The following MAN2B1 variants were observed in gnomAD, a reference collection of about 807,000 sequenced individuals.
MAN2B1 encodes lysosomal alpha-mannosidase.
A neutral mutation model predicts 127.5 loss-of-function variants in MAN2B1; 99 were observed. The ratio of observed to expected loss-of-function variants is 0.78; its 90% CI spans 0.66 to 0.92. The LOEUF (loss-of-function observed/expected upper bound fraction) is 0.92, where lower values mean the gene tolerates loss of function less well. Ranked by LOEUF, MAN2B1 falls within the 40% of genes least tolerant of loss-of-function variation. The pLI is 0.00. For missense variants in MAN2B1, 1,304 were observed against 1,384.8 expected (o/e 0.94, Z 0.93); for synonymous variants, 573 against 568.8 (o/e 1.01, Z -0.11).
In MAN2B1 at chr19:12,649,129, C is replaced by G. The variant is rs2145228476; in HGVS notation, c.2436+7G>C. On this transcript the variant is annotated splice_region_variant and intron_variant, in intron 20 of 23. Transcript: ENST00000456935. The stretch of plus-strand genomic sequence containing the variant: ...CCCTGGCTCGGATGGGGCTCTGACC[C>G]ACTCACCATGAGCTCCAGCGAGCCA... 6.2e-7 allele frequency: 1 copy of G among 1,611,480 alleles called. No homozygotes were observed. The highest frequency in any genetic ancestry group is 2.2e-5 in the East Asian group (1 of 44,876).
intron 6 of MAN2B1, among the ~76,000 whole-genome samples, chr19:12,661,944 A>G (rs1210163984): frequency 2.0e-5 from 3 of 152,134 alleles, no homozygotes; most frequent in Non-Finnish European, 4.4e-5. Flanking sequence ...TGCCAGGTTC[A>G]AGCGACTCTC....
At position 12,647,635 on chromosome 19, in the gene MAN2B1, C is replaced by A; in HGVS notation, c.2665-37G>T. On this transcript the variant is annotated intron_variant, in intron 21 of 23. Transcript: ENST00000456935. The surrounding 1 kb of genome is among the most constrained non-coding windows in gnomAD (Gnocchi z 4.9). ...AGGGCGGGGCTGAGTTGGAGAGGGG[C>A]GGGGCCTGGATGGAGAAGGGCGGGG... is the stretch of plus-strand genomic sequence containing the variant. 2 of 1,072,474 alleles carry A rather than the reference C, an allele frequency of 1.9e-6. No individual in the cohort carries two copies. Among genetic ancestry groups the A allele is most frequent in the Non-Finnish European group, 2.6e-6 (2 of 769,422 alleles). The allele number at this position is 1,072,474 out of a possible 1,614,324, so 66.4% of individuals were successfully genotyped here.
Position 12,647,697 on chromosome 19 carries a change from G to C in MAN2B1, c.2665-99C>G. On this transcript the variant is annotated intron_variant, in intron 21 of 23. Transcript: ENST00000456935. The surrounding 1 kb of genome is among the most constrained non-coding windows in gnomAD (Gnocchi z 4.9). ...CAGGAGGCAGGGCTAGGTTGTAGGGGCGGGGTTTCGCCGGAGAGGGGCAAG... is the reference window on the plus strand; with the variant it reads ...CAGGAGGCAGGGCTAGGTTGTAGGGCCGGGGTTTCGCCGGAGAGGGGCAAG... The C allele has an allele frequency of 1.0e-6, 1 of 987,660 alleles. No individual in the cohort carries two copies. Among genetic ancestry groups the C allele is most frequent in the Non-Finnish European group, 1.5e-6 (1 of 673,692 alleles). The allele number at this position is 987,660 out of a possible 1,614,324, so 61.2% of individuals were successfully genotyped here. A position where few individuals can be genotyped will look rare whatever the true frequency, so the allele number is the denominator to read the frequency against.
At chr19:12,651,009 A>C (rs2023832638) in intron 16 of MAN2B1, among the ~76,000 whole-genome samples, 1 of 136,406 alleles carries the variant, frequency 7.3e-6, no homozygotes. Context: ...GGGCATCACT[A>C]TGTAGGCACC....
chr19:12,663,538 C>T, intron 5 of MAN2B1, 76 bp from the exon 6 acceptor site: 8 of 1,590,836 alleles, frequency 5.0e-6, no homozygotes, highest in Non-Finnish European at 6.8e-6. Flanking sequence ...CATGTCCCAC[C>T]CAGGATGGGC....
At position 12,658,458 on chromosome 19, in the gene MAN2B1, A is replaced by G; in HGVS notation, c.1079T>C (p.Leu360Pro). The change falls in exon 8 of 24, where the codon CTC becomes CCC. Residue 360 changes from leucine (L) to proline (P), a missense_variant. Leu to Pro is a moderately conservative substitution (Grantham distance 98). Coordinates refer to ENST00000456935, the MANE Select transcript of MAN2B1 (RefSeq NM_000528.4). ...HVLYSTPACYLWELNKANLTW... is the reference protein window; with the variant it reads ...HVLYSTPACYPWELNKANLTW... ...GAGGTTGGCCTTGTTCAGCTCCCAGAGGTAACAAGCGGGGGTGGAGTAGAG... is the reference window on the plus strand; with the variant it reads ...GAGGTTGGCCTTGTTCAGCTCCCAGGGGTAACAAGCGGGGGTGGAGTAGAG... The G allele has an allele frequency of 6.2e-7, 1 of 1,614,160 alleles. No individual in the cohort carries two copies. The highest frequency in any genetic ancestry group is 8.5e-7 in the Non-Finnish European group (1 of 1,180,030).
At chr19:12,650,452 G>A (rs1210915318) in intron 16 of MAN2B1, among the ~76,000 whole-genome samples, 16 of 149,022 alleles carry the variant, frequency 1.1e-4, no homozygotes, top group Admixed American at 1.4e-4. Context: ...TCCGCCTCCC[G>A]GGTTCACACC....
chr19:12,648,073 TG>T, intron 21 of MAN2B1, 101 bp downstream of exon 21: 1 of 1,243,106 alleles, frequency 8.0e-7, no homozygotes, highest in Non-Finnish European at 1.1e-6. Context: ...GGGCTAATTA[TG>T]GCCAAATGGA....
intron 7 of MAN2B1, 75 bp downstream of exon 7, chr19:12,661,185 G>T: frequency 1.0e-6 from 1 of 952,978 alleles, no homozygotes; most frequent in East Asian, 2.4e-5. Context: ...AGCACTGAGA[G>T]CTATGCACAT....
chr19:12,657,390 T>C, intron 11 of MAN2B1, 56 bp downstream of exon 11: 3 of 1,443,708 alleles, frequency 2.1e-6, no homozygotes, highest in Non-Finnish European at 2.8e-6. Context: ...TCCCAGGCCC[T>C]GGCCCCGCCC....
chr19:12,662,159 A>G (rs80246494), intron 6 of MAN2B1, among the ~76,000 whole-genome samples: 1,645 of 152,082 alleles, frequency 0.011, 16 homozygotes, highest in Non-Finnish European at 0.015. Context: ...ATTTTTAAAG[A>G]AAGGAAAAAA....
At chr19:12,665,629 C>A in intron 2 of MAN2B1, 74 bp downstream of exon 2, 1 of 1,586,498 alleles carries the variant, frequency 6.3e-7, no homozygotes. Context: ...ACTGGCCCCA[C>A]CCTAATGTCC....
intron 18 of MAN2B1, 51 bp from the exon 19 acceptor site, chr19:12,649,479 T>C (rs1392999799): frequency 8.0e-5 from 23 of 286,894 alleles, no homozygotes; most frequent in South Asian, 2.3e-4. Flanking sequence ...CCCCAACTCT[T>C]TTTTTTTTTT....
At position 12,656,556 on chromosome 19, in the gene MAN2B1, G is replaced by C; in HGVS notation, c.1644+15C>G. On this transcript the variant is annotated intron_variant, in intron 13 of 23. Coordinates refer to ENST00000456935, the MANE Select transcript of MAN2B1 (RefSeq NM_000528.4). Reference sequence around the variant, plus strand: ...GAGGAGTCCCAGCGGGGGAATATTCGTTGTTTGGGCTCACATCGCTGGGCA... The same window carrying C: ...GAGGAGTCCCAGCGGGGGAATATTCCTTGTTTGGGCTCACATCGCTGGGCA... The C allele has an allele frequency of 6.3e-7, 1 of 1,592,320 alleles. No homozygotes were observed. The highest frequency in any genetic ancestry group is 8.6e-7 in the Non-Finnish European group (1 of 1,160,288).
At position 12,646,541 on chromosome 19, in the gene MAN2B1, G is replaced by C. The variant is rs963345609; in HGVS notation, c.*79C>G. 16 of 1,101,866 alleles carry C rather than the reference G, an allele frequency of 1.5e-5. No homozygotes were observed. Among genetic ancestry groups the C allele is most frequent in the Non-Finnish European group, 2.2e-5 (16 of 718,120 alleles). The allele number at this position is 1,101,866 out of a possible 1,614,324, so 68.3% of individuals were successfully genotyped here. A position where few individuals can be genotyped will look rare whatever the true frequency, so the allele number is the denominator to read the frequency against. ...TCTTAGTAGTAGCGTTTTAATGGCAGCAGCCCCAAGAGGAGAGTCAGAGTC... is the reference window on the plus strand; with the variant it reads ...TCTTAGTAGTAGCGTTTTAATGGCACCAGCCCCAAGAGGAGAGTCAGAGTC... On this transcript the variant is annotated 3_prime_UTR_variant, in exon 24 of 24. Transcript: ENST00000456935.
At chr19:12,653,875 C>A (rs1337299757) in intron 14 of MAN2B1, among the ~76,000 whole-genome samples, 4 of 151,896 alleles carry the variant, frequency 2.6e-5, no homozygotes. Context: ...TGTACCACCA[C>A]GCCCAGTTAA....
chr19:12,647,452 C>T lies in MAN2B1; in HGVS notation c.2811G>A (p.Leu937=). ...ATTTTGCCCTTCTCACCCTCAAGTT[C>T]AAGGTAACGGGGGCGCTCAGGTTAC... ...SGRNLSAPVT[L]NLRDLFSTFT... The change falls in exon 22 of 24, where the codon TTG becomes TTA. Residue 937 remains leucine, a synonymous_variant. Transcript: ENST00000456935. This position sits in a 1 kb window ranked among gnomAD's most constrained non-coding sequence, Gnocchi z 4.9. The T allele has an allele frequency of 6.2e-7, 1 of 1,614,206 alleles. No homozygotes were observed. Among genetic ancestry groups the T allele is most frequent in the Non-Finnish European group, 8.5e-7 (1 of 1,180,030 alleles).
rs369095083 is a variant in MAN2B1, at chr19:12,651,759, G to A, written c.2046+394C>T. 7.2e-5 allele frequency among the ~76,000 whole-genome samples: 11 copies of A among 152,066 alleles called. No individual in the cohort carries two copies. The South Asian group carries it at 1.2e-3, about 17-fold the overall frequency. On this transcript the variant is annotated intron_variant, in intron 16 of 23. Coordinates refer to ENST00000456935, the MANE Select transcript of MAN2B1 (RefSeq NM_000528.4). ...CTCACCCAAACCCAATCAATCCAAG[G>A]GTGGACTCTCAAATATTCACTCCAG...
Position 12,663,394 on chromosome 19 carries a change from G to A in MAN2B1, c.832C>T (p.Leu278=). Residue 278 remains leucine, a synonymous_variant, in exon 6 of 24, where the codon CTG becomes TTG. Coordinates refer to ENST00000456935, the MANE Select transcript of MAN2B1 (RefSeq NM_000528.4). ...TCGGGGCTGCGAGGGTCCTCCACCAGCGGCTGATCGACACACAGCACATCC... is the reference window on the plus strand; with the variant it reads ...TCGGGGCTGCGAGGGTCCTCCACCAACGGCTGATCGACACACAGCACATCC... ...CWDVLCVDQP[L]VEDPRSPEYN... 6.2e-7 allele frequency: 1 copy of A among 1,613,824 alleles called. No individual in the cohort carries two copies. Among genetic ancestry groups the A allele is most frequent in the Non-Finnish European group, 8.5e-7 (1 of 1,179,980 alleles).
Sources: allele counts gnomAD v4.1 joint callset (sites outside exome capture counted in the v4.1 genomes callset), GRCh38; gene constraint gnomAD v4.1.1; non-coding constraint Gnocchi (gnomAD v3.1); transcripts MANE v1.5; gene names NCBI Gene and HGNC (gene_info 2026-07-23, HGNC 2026-07-21).